STX6: variants seen among roughly 807,000 people sequenced by gnomAD.
The protein encoded by STX6 is syntaxin-6.
STX6 carries 23 observed loss-of-function variants against 38.0 expected under a neutral mutation model. That is an observed-to-expected ratio of 0.60 (90% CI 0.43 to 0.86). The LOEUF is 0.86. Among genes scored for constraint, STX6 ranks in the 40% least tolerant of loss-of-function variants. STX6 has a pLI of 0.00. For synonymous variants in STX6, 123 were observed against 107.5 expected, an observed-to-expected ratio of 1.14 and a Z score of -0.89; for missense variants, 274 against 312.9, an observed-to-expected ratio of 0.88 and a Z score of 0.94.
intron 6 of STX6, among the ~76,000 whole-genome samples, chr1:180,986,608 A>G (rs1290507103): frequency 6.6e-6 from 1 of 152,170 alleles, no homozygotes; most frequent in African/African-American, 2.4e-5. Context: ...CAGTGGTGCC[A>G]TCATAGCTCA....
At chr1:181,017,501 G>T (rs1055911951) in intron 1 of STX6, among the ~76,000 whole-genome samples, 14 of 152,124 alleles carry the variant, frequency 9.2e-5, no homozygotes, top group Non-Finnish European at 1.9e-4. Flanking sequence ...TTATCCACAG[G>T]AGTGGCTCAC....
intron 6 of STX6, among the ~76,000 whole-genome samples, chr1:180,985,953 A>C (rs1655569134): frequency 6.6e-6 from 1 of 152,226 alleles, no homozygotes; most frequent in South Asian, 2.1e-4. Context: ...TGACAACTAA[A>C]ATAAGTCTTT....
At position 180,976,611 on chromosome 1, in the gene STX6, C is replaced by T. The variant is rs1655263680; in HGVS notation, c.727G>A (p.Ala243Thr). The change falls in exon 8 of 8, where the codon GCA becomes ACA. Residue 243 changes from alanine to threonine, a missense_variant. Transcript: ENST00000258301. ...RQWCAIAILF[A>T]VLLVVLILFL... ...AGGATGAGCACAACCAACAGGACTG[C>T]AAAGAGGATGGCTATGGCACACCAT... is the stretch of plus-strand genomic sequence containing the variant. 1 of 1,613,706 alleles carries T rather than the reference C, an allele frequency of 6.2e-7. No homozygotes were observed. The highest frequency in any genetic ancestry group is 8.5e-7 in the Non-Finnish European group (1 of 1,180,008).
In STX6 at chr1:180,973,502, G is replaced by A. The variant is rs765017312; in HGVS notation, c.*3068C>T. On this transcript the variant is annotated 3_prime_UTR_variant, in exon 8 of 8. Transcript: ENST00000258301. ...TTTTCACAGCCCTTAATCTCACGAGGTGAGAAGGAGTGGAAGTTGCCAAGT... is the reference window on the plus strand; with the variant it reads ...TTTTCACAGCCCTTAATCTCACGAGATGAGAAGGAGTGGAAGTTGCCAAGT... 6.6e-6 allele frequency: 1 copy of A among 152,644 alleles called. No homozygotes were observed. The allele number at this position is 152,644 out of a possible 1,614,324, so 9.5% of individuals were successfully genotyped here.
chr1:180,990,459 T>G (rs1432850419), intron 4 of STX6, among the ~76,000 whole-genome samples: 1 of 152,168 alleles, frequency 6.6e-6, no homozygotes, highest in Non-Finnish European at 1.5e-5. Context: ...CTGTGGAACT[T>G]CAGCAACCCA....
At chr1:181,014,222 C>T (rs540345043) in intron 1 of STX6, among the ~76,000 whole-genome samples, 5 of 152,060 alleles carry the variant, frequency 3.3e-5, no homozygotes, top group East Asian at 3.9e-4. Context: ...ACAGTCAAAC[C>T]GTCTCTACTA....
At chr1:181,007,126 C>T (rs928117212) in intron 1 of STX6, among the ~76,000 whole-genome samples, 1 of 151,848 alleles carries the variant, frequency 6.6e-6, no homozygotes, top group African/African-American at 2.4e-5. Context: ...CTTTGGTATC[C>T]TTAGGGGATT....
At chr1:181,004,945 TA>T (rs200256100) in intron 2 of STX6, among the ~76,000 whole-genome samples, 6 of 143,404 alleles carry the variant, frequency 4.2e-5, no homozygotes, top group Admixed American at 1.4e-4. Context: ...GGTAGAGACT[TA>T]AAAAAAAAAG....
rs149294672 is a variant in STX6 at position 181,013,896 on chromosome 1, A to G, written c.36-8433T>C. On this transcript the variant is annotated intron_variant, in intron 1 of 7. Coordinates refer to ENST00000258301, the MANE Select transcript of STX6 (RefSeq NM_005819.6). The stretch of plus-strand genomic sequence containing the variant: ...AATGTAACTGGACTTGTTACATGTT[A>G]GCTCAGGGTAGCCTATACTTGTGTT... 8.5e-3 allele frequency among the ~76,000 whole-genome samples: 1,301 copies of G among 152,342 alleles called. 10 individuals are homozygous for G. The highest frequency in any genetic ancestry group is 0.012 in the Non-Finnish European group (792 of 68,028).
chr1:181,007,029 A>T (rs1456744910), intron 1 of STX6, among the ~76,000 whole-genome samples: 1 of 152,206 alleles, frequency 6.6e-6, no homozygotes, highest in East Asian at 1.9e-4. Context: ...AGTGAGGTGA[A>T]AATCTACTTT....
chr1:181,012,966 G>A (rs916858785), intron 1 of STX6, among the ~76,000 whole-genome samples: 3 of 151,868 alleles, frequency 2.0e-5, no homozygotes, highest in South Asian at 2.1e-4. Context: ...GAGCCACCGC[G>A]CCCAGCCAAT....
intron 7 of STX6, among the ~76,000 whole-genome samples, chr1:180,980,206 C>CAAAAAAAAAAAAAA (rs56336455): frequency 2.3e-5 from 2 of 88,248 alleles, no homozygotes; most frequent in Admixed American, 1.4e-4. Flanking sequence ...GACTCTGTCT[C>CAAAAAAAAAAAAAA]AAAAAAAAAA....
intron 1 of STX6, among the ~76,000 whole-genome samples, chr1:181,009,808 C>A (rs542314739): frequency 1.3e-5 from 2 of 152,236 alleles, no homozygotes; most frequent in African/African-American, 4.8e-5. Context: ...TTCACACAGC[C>A]AAAAATTGTA....
chr1:180,996,051 G>A (rs568807448), intron 3 of STX6, among the ~76,000 whole-genome samples: 15 of 152,164 alleles, frequency 9.9e-5, no homozygotes, highest in African/African-American at 3.4e-4. Flanking sequence ...TAATACTACT[G>A]GTCCCAAACA....
At chr1:180,979,653 C>T (rs1410669188) in intron 7 of STX6, among the ~76,000 whole-genome samples, 1 of 152,150 alleles carries the variant, frequency 6.6e-6, no homozygotes, top group Non-Finnish European at 1.5e-5. Context: ...TTAGATGCAA[C>T]ACCAAAGACA....
chr1:180,993,740 C>T (rs1476447103), intron 3 of STX6, among the ~76,000 whole-genome samples: 2 of 152,152 alleles, frequency 1.3e-5, no homozygotes, highest in African/African-American at 2.4e-5. Flanking sequence ...CACAAGGACC[C>T]TGTGAAGCTG....
intron 4 of STX6, among the ~76,000 whole-genome samples, chr1:180,991,658 T>A (rs1276574938): frequency 6.6e-6 from 1 of 152,104 alleles, no homozygotes; most frequent in African/African-American, 2.4e-5. Flanking sequence ...GATAATAGGA[T>A]AGAGATTGAG....
At chr1:180,994,736 A>G (rs186277556) in intron 3 of STX6, among the ~76,000 whole-genome samples, 4 of 152,298 alleles carry the variant, frequency 2.6e-5, no homozygotes, top group South Asian at 4.1e-4. Context: ...GTTAGAAGAA[A>G]TAAGACCTAG....
rs34045263 is a variant in STX6 at position 181,000,875 on chromosome 1, CAAAAA to C, written c.300+1726_300+1730del. ...GTATCCTTCAAAAAACCTACTACTA[CAAAAA>C]AAAAAAAAAAAAAGCTTATACAAAA... On this transcript the variant is annotated intron_variant, in intron 3 of 7. Transcript: ENST00000258301. Among the ~76,000 whole-genome samples the C allele has an allele frequency of 8.3e-5, 6 of 72,648 alleles. No individual in the cohort carries two copies. The East Asian group carries it at 1.2e-3, about 15-fold the overall frequency. The allele number at this position is 72,648 out of a possible 152,430, so 47.7% of individuals were successfully genotyped here.
Sources: gnomAD v4.1 joint callset for allele counts (sites outside exome capture counted in the v4.1 genomes callset) on GRCh38, gnomAD v4.1.1 for gene constraint, MANE v1.5 for transcripts, NCBI Gene and HGNC (gene_info 2026-07-23, HGNC 2026-07-21) for gene names.